GABRB1: variants seen among roughly 807,000 people sequenced by gnomAD.
GABRB1 encodes the protein gamma-aminobutyric acid type A receptor subunit beta1.
Under a neutral mutation model 51.6 loss-of-function variants are expected in GABRB1, and 17 were observed. The observed-to-expected ratio is 0.33, with a 90% CI of 0.23 to 0.49. GABRB1 has a LOEUF of 0.49. Ranked by LOEUF, GABRB1 falls within the 20% of genes least tolerant of loss-of-function variation. The pLI is 0.99. For missense variants in GABRB1, 410 were observed against 600.6 expected, an observed-to-expected ratio of 0.68 and a Z score of 3.32; for synonymous variants, 247 against 218.9, an observed-to-expected ratio of 1.13 and a Z score of -1.14.
intron 1 of GABRB1, among the ~76,000 whole-genome samples, chr4:47,019,647 C>CTTTCTTTCT (rs1724858614): frequency 7.5e-6 from 1 of 133,980 alleles, no homozygotes; most frequent in African/African-American, 2.8e-5. Context: ...TTCTTTCTTT[C>CTTTCTTTCT]TTTCTTTCTT....
In GABRB1 at chr4:47,411,806, G is replaced by A. The variant is rs1283716547; in HGVS notation, c.1080+4880G>A. ...TTCCAAATAAAAAGTTTAAGAGAAA[G>A]TCAGTAGGAAAAATTGATATAGTGT... On this transcript the variant is annotated intron_variant, in intron 8 of 8. Coordinates refer to ENST00000295454, the MANE Select transcript of GABRB1 (RefSeq NM_000812.4). Among the ~76,000 whole-genome samples the A allele has an allele frequency of 2.0e-5, 3 of 152,262 alleles. No homozygotes were observed. In the East Asian group the frequency reaches 5.8e-4, roughly 29 times the overall value.
At chr4:47,226,662 A>G (rs773423123) in intron 4 of GABRB1, among the ~76,000 whole-genome samples, 23 of 152,132 alleles carry the variant, frequency 1.5e-4, no homozygotes, top group Admixed American at 1.1e-3. Flanking sequence ...TCCCTTGAGG[A>G]CTACCTTTCT....
chr4:47,057,002 A>T (rs1305344585), intron 3 of GABRB1, among the ~76,000 whole-genome samples: 1 of 152,086 alleles, frequency 6.6e-6, no homozygotes, highest in Non-Finnish European at 1.5e-5. Context: ...GCTACTCAGG[A>T]GGCTGAGGCA....
intron 5 of GABRB1, among the ~76,000 whole-genome samples, chr4:47,327,764 G>A (rs1185826623): frequency 1.3e-5 from 2 of 152,106 alleles, no homozygotes; most frequent in African/African-American, 2.4e-5. Flanking sequence ...AGAATGTAAA[G>A]CAATAGTCAT....
intron 8 of GABRB1, among the ~76,000 whole-genome samples, chr4:47,423,882 T>C (rs1216585043): frequency 6.6e-6 from 1 of 152,188 alleles, no homozygotes; most frequent in African/African-American, 2.4e-5. Context: ...AAGATTCAAT[T>C]ACTGAAATAC....
At chr4:47,133,240 A>T (rs1716502515) in intron 3 of GABRB1, among the ~76,000 whole-genome samples, 1 of 152,220 alleles carries the variant, frequency 6.6e-6, no homozygotes, top group Non-Finnish European at 1.5e-5. Context: ...CAGTGAATGG[A>T]TGATTGAAAT....
At chr4:47,340,352 G>A (rs1033746486) in intron 5 of GABRB1, among the ~76,000 whole-genome samples, 4 of 152,060 alleles carry the variant, frequency 2.6e-5, no homozygotes, top group Admixed American at 2.0e-4. Flanking sequence ...GGCAGCAGTT[G>A]CCTCCAAAAT....
intron 4 of GABRB1, among the ~76,000 whole-genome samples, chr4:47,289,301 G>A (rs75020675): frequency 6.6e-6 from 1 of 151,994 alleles, no homozygotes; most frequent in South Asian, 2.1e-4. Context: ...AACTCACTCA[G>A]AAAGGAAAAA....
intron 5 of GABRB1, among the ~76,000 whole-genome samples, chr4:47,373,705 A>G (rs1727287835): frequency 6.6e-6 from 1 of 152,214 alleles, no homozygotes; most frequent in Non-Finnish European, 1.5e-5. Context: ...TAATGTTATC[A>G]TCAGACTCAC....
At chr4:47,289,416 TA>T (rs1476093584) in intron 4 of GABRB1, among the ~76,000 whole-genome samples, 1 of 152,202 alleles carries the variant, frequency 6.6e-6, no homozygotes, top group Admixed American at 6.5e-5. Flanking sequence ...AAATTGTTAT[TA>T]GGGGTGGGGA....
intron 3 of GABRB1, among the ~76,000 whole-genome samples, chr4:47,089,704 T>G (rs1007155496): frequency 2.0e-5 from 3 of 152,174 alleles, no homozygotes; most frequent in African/African-American, 7.2e-5. Flanking sequence ...ATTCAGATAA[T>G]AAATGATCAG....
chr4:46,993,792 T>C (rs756271392), exon 1 of GABRB1: 1 of 215,670 alleles, frequency 4.6e-6, no homozygotes, highest in Admixed American at 5.4e-5. Context: ...ACGGGGTCTC[T>C]CGCCCCTCCT....
chr4:47,297,088 T>A (rs1178064999), intron 4 of GABRB1, among the ~76,000 whole-genome samples: 1 of 151,790 alleles, frequency 6.6e-6, no homozygotes, highest in Non-Finnish European at 1.5e-5. Context: ...CATACCAGAA[T>A]CTCTGGGACA....
chr4:47,239,609 T>C (rs1393863905), intron 4 of GABRB1, among the ~76,000 whole-genome samples: 1 of 152,248 alleles, frequency 6.6e-6, no homozygotes, highest in Non-Finnish European at 1.5e-5. Flanking sequence ...CAGAACTTAG[T>C]AAACTGATTC....
At chr4:47,273,765 AC>A (rs1722964441) in intron 4 of GABRB1, among the ~76,000 whole-genome samples, 2 of 152,060 alleles carry the variant, frequency 1.3e-5, no homozygotes, top group South Asian at 4.2e-4. Flanking sequence ...AGGGCATCCC[AC>A]CCAGACTCAG....
chr4:47,142,661 T>C lies in GABRB1; in HGVS notation c.241-18588T>C, dbSNP rs1304596958. Among the ~76,000 whole-genome samples, 15 of 152,018 alleles carry C rather than the reference T, an allele frequency of 9.9e-5. No homozygotes were observed. In the East Asian group the frequency reaches 2.9e-3, roughly 29 times the overall value. ...TAGTTATTCAGAAGAGAGTACATCG[T>C]GGCCTTAACTAAGATCAGTAAGAGT... On this transcript the variant is annotated intron_variant, in intron 3 of 8. Transcript: ENST00000295454.
intron 3 of GABRB1, among the ~76,000 whole-genome samples, chr4:47,037,532 T>G (rs1448422772): frequency 7.3e-6 from 1 of 137,312 alleles, no homozygotes; most frequent in Non-Finnish European, 1.5e-5. Context: ...ATATTCGTTT[T>G]TTTTTGTTGT....
chr4:47,013,630 G>C (rs1158478444), intron 1 of GABRB1, among the ~76,000 whole-genome samples: 2 of 152,058 alleles, frequency 1.3e-5, no homozygotes, highest in Non-Finnish European at 2.9e-5. Flanking sequence ...TTGTCATTTG[G>C]ATTTATCTTC....
chr4:47,288,257 A>G lies in GABRB1; in HGVS notation c.462-31870A>G, dbSNP rs1244313139. On this transcript the variant is annotated intron_variant, in intron 4 of 8. Transcript: ENST00000295454. ...AGGGCTTATTACTATTATTATTATT[A>G]TTATTATTATTATTGTTATTATTAA... Among the ~76,000 whole-genome samples the G allele has an allele frequency of 2.0e-5, 3 of 150,400 alleles. No individual in the cohort carries two copies. In the East Asian group the frequency reaches 5.8e-4, roughly 29 times the overall value.
Sources: allele counts gnomAD v4.1 joint callset (sites outside exome capture counted in the v4.1 genomes callset), GRCh38; gene constraint gnomAD v4.1.1; transcripts MANE v1.5; gene names NCBI Gene and HGNC (gene_info 2026-07-23, HGNC 2026-07-21).